Variants in PHC3 observed in about 807,000 individuals in gnomAD.
PHC3 encodes polyhomeotic homolog 3, also known as polyhomeotic-like protein 3.
Under a neutral mutation model 107.4 loss-of-function variants are expected in PHC3, and 13 were observed. The observed-to-expected ratio is 0.12, with a 90% CI of 0.08 to 0.19. PHC3 has a LOEUF of 0.19. Among genes scored for constraint, PHC3 ranks in the 10% least tolerant of loss-of-function variants. PHC3 has a pLI of 1.00. For missense variants in PHC3, 992 were observed against 1,210.9 expected, an observed-to-expected ratio of 0.82 and a Z score of 2.68; for synonymous variants, 456 against 427.4, an observed-to-expected ratio of 1.07 and a Z score of -0.83.
chr3:170,165,838 T>G (rs1298626444), intron 4 of PHC3, among the ~76,000 whole-genome samples: 1 of 148,832 alleles, frequency 6.7e-6, no homozygotes, highest in Non-Finnish European at 1.5e-5. Context: ...CCCAGTAGCA[T>G]GCACCTATAG....
chr3:170,179,877 G>C (rs564476814), intron 1 of PHC3, among the ~76,000 whole-genome samples: 1 of 152,128 alleles, frequency 6.6e-6, no homozygotes, highest in African/African-American at 2.4e-5. Flanking sequence ...AAGGTGAAAA[G>C]CACACAAGAG....
chr3:170,140,744 C>T (rs1184081732), intron 6 of PHC3, among the ~76,000 whole-genome samples: 2 of 150,942 alleles, frequency 1.3e-5, no homozygotes, highest in Non-Finnish European at 3.0e-5. Context: ...TTTACAGATA[C>T]CCACCACCAC....
chr3:170,175,719 T>C (rs528972591), intron 2 of PHC3, among the ~76,000 whole-genome samples: 1 of 151,084 alleles, frequency 6.6e-6, no homozygotes, highest in African/African-American at 2.4e-5. Context: ...GCTCAAGAGA[T>C]TGAGACCATC....
chr3:170,109,208 C>A (rs948915907), intron 11 of PHC3, among the ~76,000 whole-genome samples: 6 of 152,084 alleles, frequency 3.9e-5, no homozygotes, highest in African/African-American at 1.4e-4. Context: ...TCTCCAGCAT[C>A]CACTCTTTGC....
At position 170,126,528 on chromosome 3, in the gene PHC3, A is replaced by ATATATATT. The variant is rs370421296; in HGVS notation, c.1788+2155_1788+2156insAATATATA. ...TGTATATATATATATATATATATATATTTTTTTTTTTTTTTCCTTTTTCTT... is the reference window on the plus strand; with the variant it reads ...TGTATATATATATATATATATATATATATATATTTTTTTTTTTTTTTTTCCTTTTTCTT... On this transcript the variant is annotated intron_variant, in intron 8 of 14. Transcript: ENST00000495893. 3.1e-4 allele frequency among the ~76,000 whole-genome samples: 28 copies of ATATATATT among 90,614 alleles called. 1 individual carries two copies. Among genetic ancestry groups the ATATATATT allele is most frequent in the Middle Eastern group, 7.5e-3 (1 of 134 alleles). The allele number at this position is 90,614 out of a possible 152,430, so 59.4% of individuals were successfully genotyped here.
chr3:170,155,787 A>G (rs1203756011), intron 4 of PHC3, among the ~76,000 whole-genome samples: 2 of 152,162 alleles, frequency 1.3e-5, no homozygotes, highest in East Asian at 3.9e-4. Flanking sequence ...TCATAACATG[A>G]TATATGACTA....
rs1369428106 is a variant in PHC3 at position 170,128,952 on chromosome 3, G to C, written c.1520C>G (p.Ser507Cys). The C allele has an allele frequency of 6.2e-7, 1 of 1,613,918 alleles. No homozygotes were observed. Among genetic ancestry groups the C allele is most frequent in the Non-Finnish European group, 8.5e-7 (1 of 1,179,906 alleles). The change falls in exon 8 of 15, where the codon TCT becomes TGT. Residue 507 changes from serine to cysteine, a missense_variant. Physicochemically the swap from Ser to Cys is moderately radical, Grantham distance 112 (BLOSUM62 -1). Coordinates refer to ENST00000495893, the MANE Select transcript of PHC3 (RefSeq NM_024947.4). Reference protein sequence around the residue: ...SHQQYSSLQSSPIPIASPPQM... With the variant: ...SHQQYSSLQSCPIPIASPPQM... ...TGGAGGACTTGCAATTGGGATTGGA[G>C]AGGACTGCAGGGATGAATATTGCTG...
At chr3:170,145,671 A>C (rs1018320794) in intron 5 of PHC3, 150 bp from the exon 6 acceptor site, 6 of 474,276 alleles carry the variant, frequency 1.3e-5, no homozygotes, top group African/African-American at 1.2e-4. Flanking sequence ...CATGACAAAG[A>C]GAAGTTTCTG....
Position 170,111,703 on chromosome 3 carries a change from C to T in PHC3, c.2353+1657G>A, listed in dbSNP as rs184874920. On this transcript the variant is annotated intron_variant, in intron 11 of 14. Coordinates refer to ENST00000495893, the MANE Select transcript of PHC3 (RefSeq NM_024947.4). ...AATCAAATTTTAAACTAATATACTC[C>T]TTGCTGTTCAAATAAGAAGTAAAAC... Among the ~76,000 whole-genome samples, 284 of 152,236 alleles carry T rather than the reference C, an allele frequency of 1.9e-3. 1 individual carries two copies. The highest frequency in any genetic ancestry group is 4.9e-4 in the Non-Finnish European group (33 of 68,012).
chr3:170,153,630 G>A (rs1476362252), intron 4 of PHC3, among the ~76,000 whole-genome samples: 1 of 152,008 alleles, frequency 6.6e-6, no homozygotes, highest in Non-Finnish European at 1.5e-5. Flanking sequence ...AGGCGTGGTG[G>A]CGGGTGCCTG....
chr3:170,122,605 T>G lies in PHC3; in HGVS notation c.1928A>C (p.Glu643Ala), dbSNP rs368625788. 1 of 1,613,890 alleles carries G rather than the reference T, an allele frequency of 6.2e-7. No homozygotes were observed. Among genetic ancestry groups the G allele is most frequent in the Non-Finnish European group, 8.5e-7 (1 of 1,179,888 alleles). The change falls in exon 9 of 15, where the codon GAA becomes GCA. Residue 643 changes from glutamate to alanine, a missense_variant. Physicochemically the swap from Glu to Ala is moderately radical, Grantham distance 107 (BLOSUM62 -1). Coordinates refer to ENST00000495893, the MANE Select transcript of PHC3 (RefSeq NM_024947.4). The stretch of plus-strand genomic sequence containing the variant: ...TATTTTCTCACCTAACAAAGGATGT[T>G]CAGAAGTCAAATCTTCTCCTCTCCC... The part of the protein sequence containing the change: ...TVGRGEDLTS[E>A]HPLLEQVELP...
chr3:170,138,926 T>A (rs868374800), intron 6 of PHC3, among the ~76,000 whole-genome samples: 8 of 152,056 alleles, frequency 5.3e-5, no homozygotes, highest in South Asian at 2.1e-4. Context: ...CTAAATGCCA[T>A]CTTTTCTCAA....
chr3:170,121,440 A>G (rs1479350305), intron 9 of PHC3, among the ~76,000 whole-genome samples: 2 of 152,210 alleles, frequency 1.3e-5, no homozygotes, highest in Non-Finnish European at 2.9e-5. Context: ...CCTAGAATAC[A>G]CAGTAGCTTT....
intron 6 of PHC3, among the ~76,000 whole-genome samples, chr3:170,137,435 G>A (rs1237895438): frequency 2.6e-5 from 4 of 152,102 alleles, no homozygotes; most frequent in Admixed American, 6.6e-5. Flanking sequence ...ACAGAAAAAT[G>A]CTGCTCCAAA....
In PHC3 at chr3:170,134,492, A is replaced by C. The variant is rs149195997; in HGVS notation, c.919+1927T>G. On this transcript the variant is annotated intron_variant, in intron 7 of 14. Coordinates refer to ENST00000495893, the MANE Select transcript of PHC3 (RefSeq NM_024947.4). ...GATGTGAGCTACCGCGCCCAGCTTG[A>C]ATATATTTATTAATTTATACATTAT... is the stretch of plus-strand genomic sequence containing the variant. Among the ~76,000 whole-genome samples the C allele has an allele frequency of 6.1e-3, 925 of 152,224 alleles. 8 individuals are homozygous for C. Among genetic ancestry groups the C allele is most frequent in the Non-Finnish European group, 0.01 (696 of 68,008 alleles).
intron 8 of PHC3, among the ~76,000 whole-genome samples, chr3:170,125,179 A>G (rs1721047443): frequency 6.6e-6 from 1 of 152,188 alleles, no homozygotes; most frequent in Non-Finnish European, 1.5e-5. Flanking sequence ...CAGACGTGAA[A>G]GCAGTCATTT....
chr3:170,160,982 TG>T (rs1372222153), intron 4 of PHC3, among the ~76,000 whole-genome samples: 1 of 152,242 alleles, frequency 6.6e-6, no homozygotes, highest in Non-Finnish European at 1.5e-5. Flanking sequence ...TTCTGCTTTT[TG>T]CTGGGAAGCC....
rs1491097010 is a variant in PHC3 at position 170,126,529 on chromosome 3, T to TATATATCTATA, written c.1788+2154_1788+2155insTATAGATATAT. Among the ~76,000 whole-genome samples the TATATATCTATA allele has an allele frequency of 3.8e-3, 153 of 39,962 alleles. 2 individuals carry two copies. The highest frequency in any genetic ancestry group is 0.016 in the Middle Eastern group (1 of 64). The allele number at this position is 39,962 out of a possible 152,430, so 26.2% of individuals were successfully genotyped here. On this transcript the variant is annotated intron_variant, in intron 8 of 14. Transcript: ENST00000495893. ...GTATATATATATATATATATATATA[T>TATATATCTATA]TTTTTTTTTTTTTTCCTTTTTCTTT...
intron 11 of PHC3, among the ~76,000 whole-genome samples, chr3:170,109,975 A>G (rs1717312112): frequency 6.6e-6 from 1 of 152,142 alleles, no homozygotes; most frequent in African/African-American, 2.4e-5. Flanking sequence ...TTAAAACTAG[A>G]AAGTATTTAA....
Sources: allele counts gnomAD v4.1 joint callset (sites outside exome capture counted in the v4.1 genomes callset), GRCh38; gene constraint gnomAD v4.1.1; transcripts MANE v1.5; gene names NCBI Gene and HGNC (gene_info 2026-07-23, HGNC 2026-07-21).